The following CACNA1D variants were observed in gnomAD, a reference collection of about 807,000 sequenced individuals.
CACNA1D encodes calcium voltage-gated channel subunit alpha1 D, also known as voltage-dependent L-type calcium channel subunit alpha-1D.
CACNA1D carries 55 observed loss-of-function variants against 257.1 expected under a neutral mutation model. That is an observed-to-expected ratio of 0.21 (90% CI 0.17 to 0.27). The LOEUF is 0.27. Among genes scored for constraint, CACNA1D ranks in the 10% least tolerant of loss-of-function variants. The probability of loss-of-function intolerance (pLI) is 1.00; values close to 1 mark genes in which losing one functional copy is unlikely to be tolerated. For missense variants in CACNA1D, 1,876 were observed against 2,784.0 expected (o/e 0.67, Z 7.34); for synonymous variants, 980 against 1,014.9 (o/e 0.97, Z 0.65).
At chr3:53,643,605 T>C (rs1353713931) in intron 3 of CACNA1D, among the ~76,000 whole-genome samples, 1 of 152,218 alleles carries the variant, frequency 6.6e-6, no homozygotes, top group African/African-American at 2.4e-5. Context: ...AGCCTGTCCT[T>C]GGAGACTTTG....
rs2095204416 is a variant in CACNA1D, at chr3:53,749,425, C to G, written c.3472C>G (p.Gln1158Glu). The stretch of plus-strand genomic sequence containing the variant: ...CTTTGTCATCGTTACATTTCAGGAA[C>G]AAGGAGAAAAAGAGTATAAGAACTG... ...VGFVIVTFQE[Q>E]GEKEYKNCEL... Residue 1158 changes from glutamine (Q) to glutamate (E), a missense_variant, in exon 27 of 48, where the codon CAA (glutamine) becomes GAA (glutamate). Physicochemically the swap from Gln to Glu is conservative, Grantham distance 29. This residue lies in a region of CACNA1D where 1 missense variants were observed against 19.6 expected (regional missense o/e 0.05). Transcript: ENST00000350061. The G allele has an allele frequency of 1.2e-6, 2 of 1,613,790 alleles. No individual in the cohort carries two copies. The highest frequency in any genetic ancestry group is 2.7e-5 in the African/African-American group (2 of 74,876).
intron 26 of CACNA1D, among the ~76,000 whole-genome samples, chr3:53,748,410 G>A (rs972514113): frequency 6.6e-6 from 1 of 152,186 alleles, no homozygotes; most frequent in Non-Finnish European, 1.5e-5. Context: ...AGACAGTCAG[G>A]TGGGGCTTGT....
chr3:53,715,507 G>C (rs931828143), intron 9 of CACNA1D, among the ~76,000 whole-genome samples: 1 of 152,072 alleles, frequency 6.6e-6, no homozygotes, highest in African/African-American at 2.4e-5. Flanking sequence ...CACTGGATTG[G>C]TCGCTTTGCT....
intron 3 of CACNA1D, among the ~76,000 whole-genome samples, chr3:53,553,727 A>T (rs1328413123): frequency 6.6e-6 from 1 of 151,972 alleles, no homozygotes; most frequent in Non-Finnish European, 1.5e-5. Context: ...TAGGCTCCAG[A>T]TTCTGTAATA....
chr3:53,759,854 TCTGA>T (rs2095290388), intron 29 of CACNA1D, among the ~76,000 whole-genome samples: 1 of 152,240 alleles, frequency 6.6e-6, no homozygotes, highest in Non-Finnish European at 1.5e-5. Flanking sequence ...TGATCTCACC[TCTGA>T]CTGCTAGTCT....
chr3:53,679,416 G>A (rs542412873), intron 8 of CACNA1D: 55 of 149,852 alleles, frequency 3.7e-4, no homozygotes, highest in African/African-American at 1.3e-3. Context: ...AAAGAGTAGT[G>A]TAATTGCTTA....
intron 4 of CACNA1D, 60 bp downstream of exon 4, chr3:53,650,978 G>A (rs754654629): frequency 1.4e-6 from 2 of 1,442,452 alleles, no homozygotes; most frequent in Non-Finnish European, 1.9e-6. Context: ...GAGGTTGGGG[G>A]GGGTGGTGGT....
chr3:53,510,270 C>T (rs988508440), intron 3 of CACNA1D, among the ~76,000 whole-genome samples: 1 of 152,180 alleles, frequency 6.6e-6, no homozygotes, highest in African/African-American at 2.4e-5. Flanking sequence ...ATCACCTGTG[C>T]ATTTTGAAAC....
intron 3 of CACNA1D, among the ~76,000 whole-genome samples, chr3:53,634,360 G>A (rs572755420): frequency 2.6e-5 from 4 of 152,294 alleles, no homozygotes; most frequent in African/African-American, 9.6e-5. Context: ...ATCTACCTAT[G>A]CCTGAATTAA....
intron 8 of CACNA1D, among the ~76,000 whole-genome samples, chr3:53,691,653 A>AGT (rs562094435): frequency 1.0e-3 from 131 of 129,030 alleles, no homozygotes; most frequent in African/African-American, 2.0e-3. Context: ...TTTCTGTGTG[A>AGT]GTGTGTGTGT....
At chr3:53,691,766 A>T (rs9683297) in intron 8 of CACNA1D, among the ~76,000 whole-genome samples, 6 of 117,118 alleles carry the variant, frequency 5.1e-5, no homozygotes, top group African/African-American at 6.7e-5. Context: ...ATTACATATA[A>T]TATATATATT....
rs530448687 is a variant in CACNA1D at position 53,787,759 on chromosome 3, G to A, written c.4923+807G>A. 2.0e-5 allele frequency among the ~76,000 whole-genome samples: 3 copies of A among 152,250 alleles called. No homozygotes were observed. The South Asian group carries it at 6.2e-4, about 32-fold the overall frequency. ...CAGCAGGAAGAGGGGCTAGGAAGGT[G>A]GTCTGTGAGTGCCGTGGATGAAGGA... On this transcript the variant is annotated intron_variant, in intron 40 of 47. Coordinates refer to ENST00000350061, the MANE Select transcript of CACNA1D (RefSeq NM_001128840.3).
At chr3:53,756,370 A>G (rs753818724) in intron 29 of CACNA1D, among the ~76,000 whole-genome samples, 1 of 152,328 alleles carries the variant, frequency 6.6e-6, no homozygotes, top group East Asian at 1.9e-4. Flanking sequence ...TGGGAAGTAG[A>G]CAGAGGGAGA....
chr3:53,610,611 C>G (rs527515638), intron 3 of CACNA1D, among the ~76,000 whole-genome samples: 7 of 152,312 alleles, frequency 4.6e-5, no homozygotes, highest in Middle Eastern at 3.4e-3. Context: ...ACTCTGTCTT[C>G]CAGTTGAAGT....
intron 25 of CACNA1D, among the ~76,000 whole-genome samples, chr3:53,746,325 A>AG (rs1408797550): frequency 6.6e-6 from 1 of 152,102 alleles, no homozygotes; most frequent in Non-Finnish European, 1.5e-5. Context: ...CCCTCTTCTT[A>AG]TACACTTTCT....
intron 3 of CACNA1D, among the ~76,000 whole-genome samples, chr3:53,649,007 G>A (rs1176943343): frequency 2.0e-5 from 3 of 152,206 alleles, no homozygotes; most frequent in Non-Finnish European, 2.9e-5. Flanking sequence ...GAGAATGGGG[G>A]CAAAGACTGG....
Position 53,723,489 on chromosome 3 carries a change from G to A in CACNA1D, c.1722G>A (p.Met574Ile), listed in dbSNP as rs373740752. The A allele has an allele frequency of 4.7e-5, 76 of 1,613,996 alleles. No homozygotes were observed. Among genetic ancestry groups the A allele is most frequent in the African/African-American group, 2.5e-4 (19 of 74,894 alleles). The change falls in exon 13 of 48, where the codon ATG (methionine) becomes ATA (isoleucine). Residue 574 changes from methionine to isoleucine, a missense_variant. Transcript: ENST00000350061. The surrounding 1 kb of genome is among the most constrained non-coding windows in gnomAD (Gnocchi z 5.6). ...ALFTCEMLVKMYSLGLQAYFV... is the reference protein window; with the variant it reads ...ALFTCEMLVKIYSLGLQAYFV... Reference sequence around the variant, plus strand: ...TCACCTGCGAGATGCTGGTAAAAATGTACAGCTTGGGCCTCCAAGCATATT... The same window carrying A: ...TCACCTGCGAGATGCTGGTAAAAATATACAGCTTGGGCCTCCAAGCATATT...
intron 20 of CACNA1D, among the ~76,000 whole-genome samples, chr3:53,737,815 C>G (rs552828297): frequency 3.0e-4 from 45 of 152,328 alleles, no homozygotes; most frequent in African/African-American, 9.9e-4. Context: ...AAGAGCAAAA[C>G]TCTGTCTCAA....
At chr3:53,704,668 C>A (rs989668227) in intron 9 of CACNA1D, among the ~76,000 whole-genome samples, 1 of 152,230 alleles carries the variant, frequency 6.6e-6, no homozygotes, top group Non-Finnish European at 1.5e-5. Context: ...CTGCACCGCT[C>A]TTTTCCCCTT....
Sources: allele counts gnomAD v4.1 joint callset (sites outside exome capture counted in the v4.1 genomes callset), GRCh38; gene constraint gnomAD v4.1.1; regional missense constraint gnomAD v4.1.1; non-coding constraint Gnocchi (gnomAD v3.1); transcripts MANE v1.5; gene names NCBI Gene and HGNC (gene_info 2026-07-23, HGNC 2026-07-21).